The following SULT1A1 variants were observed in gnomAD, a reference collection of about 807,000 sequenced individuals.
SULT1A1 encodes the protein sulfotransferase 1A1.
A neutral mutation model predicts 36.8 loss-of-function variants in SULT1A1; 35 were observed. The observed-to-expected ratio is 0.95, with a 90% CI of 0.73 to 1.26. The LOEUF (loss-of-function observed/expected upper bound fraction) is 1.26, where lower values mean the gene tolerates loss of function less well. Ranked by LOEUF, SULT1A1 falls within the 50% of genes most tolerant of loss-of-function variation. SULT1A1 has a pLI of 0.00. For missense variants in SULT1A1, 309 were observed against 383.0 expected (o/e 0.81, Z 1.61); for synonymous variants, 119 against 146.0 (o/e 0.82, Z 1.33).
In SULT1A1 at chr16:28,606,392, A is replaced by G. The variant is rs1202994826; in HGVS notation, c.595-156T>C. ...CCCCCAGGGCCCCAGTCCCGGGGGT[A>G]AAAAGAATTGCTGTCTGCCCTGTGA... is the stretch of plus-strand genomic sequence containing the variant. On this transcript the variant is annotated intron_variant, in intron 6 of 7. Coordinates refer to ENST00000314752, the MANE Select transcript of SULT1A1 (RefSeq NM_001055.4). Among the ~76,000 whole-genome samples the G allele has an allele frequency of 2.0e-5, 3 of 151,862 alleles. 1 individual carries two copies. Among genetic ancestry groups the G allele is most frequent in the African/African-American group, 7.2e-5 (3 of 41,416 alleles).
chr16:28,619,275 G>A (rs1388025158), intron 2 of SULT1A1, among the ~76,000 whole-genome samples: 2 of 152,134 alleles, frequency 1.3e-5, no homozygotes, highest in Non-Finnish European at 2.9e-5. Context: ...AGCCTCCCAG[G>A]TGTTGGGATT....
upstream of SULT1A1, chr16:28,610,770 C>T (rs563622531): frequency 6.5e-6 from 1 of 153,024 alleles, no homozygotes; most frequent in Admixed American, 6.5e-5. Flanking sequence ...AGACAAGAGA[C>T]CAGAGGAGGC....
chr16:28,610,381 G>A (rs1439394168), upstream of SULT1A1: 2 of 493,456 alleles, frequency 4.1e-6, no homozygotes, highest in Admixed American at 8.5e-5. Context: ...CCAGGCAAGA[G>A]AGGGGAGGGA....
At chr16:28,623,182 G>T (rs1348606481) in exon 1 of SULT1A1, 3 of 1,544,520 alleles carry the variant, frequency 1.9e-6, no homozygotes, top group Admixed American at 2.0e-5. Flanking sequence ...TGGTCGCACA[G>T]CAACTTGGCC....
In SULT1A1 at chr16:28,607,564, C is replaced by G. The variant is rs111830186; in HGVS notation, c.373-487G>C. On this transcript the variant is annotated intron_variant, in intron 4 of 7. Transcript: ENST00000314752. ...GGCCTCCTTCCCTGGATTCACATGC[C>G]CCACACCTGGACCTTTGCTTTTTCT... 8.0e-3 allele frequency: 1,236 copies of G among 154,062 alleles called. 10 individuals are homozygous for G. Among genetic ancestry groups the G allele is most frequent in the African/African-American group, 0.028 (1,178 of 41,340 alleles). The allele number at this position is 154,062 out of a possible 1,614,324, so 9.5% of individuals were successfully genotyped here. A position where few individuals can be genotyped will look rare whatever the true frequency, so the allele number is the denominator to read the frequency against.
Position 28,605,730 on chromosome 16 carries a change from C to T in SULT1A1, c.*91G>A, listed in dbSNP as rs117102658. The T allele has an allele frequency of 1.0e-3, 1,644 of 1,579,954 alleles. 37 individuals carry two copies. Among genetic ancestry groups the T allele is most frequent in the East Asian group, 1.8e-3 (77 of 43,860 alleles). On this transcript the variant is annotated 3_prime_UTR_variant, in exon 8 of 8. Transcript: ENST00000314752. The stretch of plus-strand genomic sequence containing the variant: ...TGCTGGGATTACAGACATGACCTAC[C>T]GTCCCGGGCCCTCAATTCATATTTT...
intron 1 of SULT1A1, among the ~76,000 whole-genome samples, chr16:28,621,674 G>A (rs768015473): frequency 5.9e-5 from 9 of 151,930 alleles, no homozygotes; most frequent in Non-Finnish European, 8.8e-5. Context: ...CCGGGACCAG[G>A]CACAGACCTT....
chr16:28,606,836 G>T lies in SULT1A1; in HGVS notation c.519C>A (p.Tyr173Ter). ...GCTCCCACCACTCCTGCACGTGCTGGTACCAGGATCCGTAGGACACTGGAG... is the reference window on the plus strand; with the variant it reads ...GCTCCCACCACTCCTGCACGTGCTGTTACCAGGATCCGTAGGACACTGGAG... ...MVGEVSYGSWYQHVQEWWELS... is the reference protein window; with the variant it reads ...MVGEVSYGSW Residue 173 changes from tyrosine to a stop codon, truncating the protein, a stop_gained, in exon 6 of 8, where the codon TAC becomes TAA. Transcript: ENST00000314752. LOFTEE classifies it high-confidence loss of function. The T allele has an allele frequency of 6.2e-7, 1 of 1,612,526 alleles. No homozygotes were observed. The highest frequency in any genetic ancestry group is 1.1e-5 in the South Asian group (1 of 91,026).
At position 28,608,547 on chromosome 16, in the gene SULT1A1, T is replaced by C. The variant is rs1384234327; in HGVS notation, c.205A>G (p.Lys69Glu). The C allele has an allele frequency of 6.2e-7, 1 of 1,612,404 alleles. No homozygotes were observed. Among genetic ancestry groups the C allele is most frequent in the Non-Finnish European group, 8.5e-7 (1 of 1,178,654 alleles). Residue 69 changes from lysine to glutamate, a missense_variant, in exon 3 of 8, where the codon AAG becomes GAG. This residue lies in a region of SULT1A1 where 219 missense variants were observed against 215.3 expected (regional missense o/e 1.02). Transcript: ENST00000314752. ...DMIYQGGDLE[K>E]CHRAPIFMRV... ...ATGAAGATGGGAGCTCGGTGACACT[T>C]CTCCAGGTCACCACCCTGGTAGATC...
rs1555485637 is a variant in SULT1A1 at position 28,621,506 on chromosome 16, A to AAAAG, written c.68-1374_68-1373insCTTT. Among the ~76,000 whole-genome samples, 248 of 42,420 alleles carry AAAAG rather than the reference A, an allele frequency of 5.8e-3. 5 individuals carry two copies. The highest frequency in any genetic ancestry group is 9.7e-3 in the African/African-American group (178 of 18,288). The allele number at this position is 42,420 out of a possible 152,430, so 27.8% of individuals were successfully genotyped here. A position where few individuals can be genotyped will look rare whatever the true frequency, so the allele number is the denominator to read the frequency against. On this transcript the variant is annotated intron_variant, in intron 1 of 5. Coordinates refer to the SULT1A1 transcript ENST00000350842. ...TCAAAAAAAAAAAAAAAAAAAAAAA[A>AAAAG]AAGAAGAAGAAGAAGAAGAAGAAAA...
At chr16:28,609,823 T>A in intron 1 of SULT1A1, 108 bp downstream of exon 1, 1 of 1,120,094 alleles carries the variant, frequency 8.9e-7, no homozygotes, top group Non-Finnish European at 1.1e-6. Context: ...TGAAATGGGA[T>A]ATCCATGGGG....
intron 1 of SULT1A1, 97 bp from the exon 2 acceptor site, chr16:28,608,956 G>A (rs2047340300): frequency 1.2e-6 from 2 of 1,605,276 alleles, no homozygotes; most frequent in Non-Finnish European, 1.7e-6. Flanking sequence ...GAGGCCTAGG[G>A]AGGCTGAGTG....
chr16:28,608,538 G>C lies in SULT1A1; in HGVS notation c.214C>G (p.Arg72Gly). Reference sequence around the variant, plus strand: ...GGCACCCGCATGAAGATGGGAGCTCGGTGACACTTCTCCAGGTCACCACCC... The same window carrying C: ...GGCACCCGCATGAAGATGGGAGCTCCGTGACACTTCTCCAGGTCACCACCC... ...YQGGDLEKCH[R>G]APIFMRVPFL... Residue 72 changes from arginine to glycine, a missense_variant, in exon 3 of 8, where the codon CGA (arginine) becomes GGA (glycine). Around this residue, in one of 3 missense-constraint regions of SULT1A1, gnomAD observed 219 missense variants for 215.3 expected, o/e 1.02. Transcript: ENST00000314752. 5 of 1,612,470 alleles carry C rather than the reference G, an allele frequency of 3.1e-6. No individual in the cohort carries two copies. The highest frequency in any genetic ancestry group is 4.2e-6 in the Non-Finnish European group (5 of 1,178,696).
At chr16:28,606,580 C>A (rs1366477234) in intron 6 of SULT1A1, among the ~76,000 whole-genome samples, 181 bp downstream of exon 6, 1 of 149,610 alleles carries the variant, frequency 6.7e-6, no homozygotes, top group East Asian at 1.9e-4. Flanking sequence ...GAGATGAGAG[C>A]TGTGTGGGGC....
chr16:28,623,360 G>A (rs2151729389), exon 1 of SULT1A1: 10 of 1,489,578 alleles, frequency 6.7e-6, no homozygotes, highest in South Asian at 1.3e-5. Flanking sequence ...CGGCGGAGAC[G>A]AGCGAGCTAC....
intron 1 of SULT1A1, among the ~76,000 whole-genome samples, chr16:28,621,871 T>C (rs2047663455): frequency 6.6e-6 from 1 of 152,104 alleles, no homozygotes; most frequent in Non-Finnish European, 1.5e-5. Flanking sequence ...TCTCCAAAGA[T>C]TACAAGAATT....
chr16:28,609,784 G>C, intron 1 of SULT1A1, 147 bp downstream of exon 1: 1 of 918,704 alleles, frequency 1.1e-6, no homozygotes, highest in Non-Finnish European at 1.4e-6. Flanking sequence ...CAAGGGAAGG[G>C]AGGGGGATTC....
intron 2 of SULT1A1, among the ~76,000 whole-genome samples, chr16:28,616,343 C>T (rs965045777): frequency 6.6e-6 from 1 of 152,142 alleles, no homozygotes; most frequent in Non-Finnish European, 1.5e-5. Flanking sequence ...TGGAACAGAT[C>T]GTGTCCTCTG....
intron 2 of SULT1A1, among the ~76,000 whole-genome samples, chr16:28,617,008 TTTTTTTA>T (rs1043661616): frequency 7.3e-5 from 11 of 151,718 alleles, no homozygotes; most frequent in African/African-American, 9.7e-5. Context: ...TCCAGATCTT[TTTTTTTA>T]TTTTTTATTT....
Sources: allele counts gnomAD v4.1 joint callset (sites outside exome capture counted in the v4.1 genomes callset), GRCh38; gene constraint gnomAD v4.1.1; regional missense constraint gnomAD v4.1.1; transcripts MANE v1.5; gene names NCBI Gene and HGNC (gene_info 2026-07-23, HGNC 2026-07-21).